Variants in ST8SIA1 observed in about 807,000 individuals in gnomAD.
ST8SIA1 encodes ST8 alpha-N-acetyl-neuraminide alpha-2,8-sialyltransferase 1.
ST8SIA1 carries 16 observed loss-of-function variants against 35.9 expected under a neutral mutation model. The ratio of observed to expected loss-of-function variants is 0.45; its 90% CI spans 0.30 to 0.68. The LOEUF is 0.68. Ranked by LOEUF, ST8SIA1 falls within the 30% of genes least tolerant of loss-of-function variation. ST8SIA1 has a pLI of 0.09. For missense variants in ST8SIA1, 383 were observed against 453.6 expected, an observed-to-expected ratio of 0.84 and a Z score of 1.41; for synonymous variants, 170 against 169.6, an observed-to-expected ratio of 1.00 and a Z score of -0.02.
At chr12:22,310,149 G>A (rs947163093) in intron 1 of ST8SIA1, among the ~76,000 whole-genome samples, 3 of 152,110 alleles carry the variant, frequency 2.0e-5, no homozygotes, top group African/African-American at 7.2e-5. Context: ...AAAATTAGCT[G>A]ATTACAAATG....
At chr12:22,287,800 G>T in intron 1 of ST8SIA1, among the ~76,000 whole-genome samples, 1 of 152,264 alleles carries the variant, frequency 6.6e-6, no homozygotes, top group South Asian at 2.1e-4. Flanking sequence ...CCCCAAAACT[G>T]GTGACAAGAT....
intron 2 of ST8SIA1, chr12:22,268,457 T>C (rs529095388): frequency 1.3e-5 from 2 of 152,204 alleles, no homozygotes; most frequent in Non-Finnish European, 2.9e-5. Flanking sequence ...ACACTACTAA[T>C]AAAGACATAC....
chr12:22,242,047 A>G (rs1336582785), intron 4 of ST8SIA1, among the ~76,000 whole-genome samples: 2 of 152,208 alleles, frequency 1.3e-5, no homozygotes, highest in East Asian at 3.8e-4. Flanking sequence ...CCCAAATATT[A>G]TAATGATTCA....
At chr12:22,310,232 C>G (rs979122269) in intron 1 of ST8SIA1, among the ~76,000 whole-genome samples, 1 of 152,170 alleles carries the variant, frequency 6.6e-6, no homozygotes, top group Non-Finnish European at 1.5e-5. Context: ...TATTCTGACT[C>G]TATGAATATG....
chr12:22,242,822 G>A (rs1426871113), intron 4 of ST8SIA1, among the ~76,000 whole-genome samples: 1 of 152,140 alleles, frequency 6.6e-6, no homozygotes, highest in African/African-American at 2.4e-5. Context: ...ATATCCAGCT[G>A]CCAGATTAAA....
At chr12:22,270,840 A>T (rs2135806043) in intron 2 of ST8SIA1, among the ~76,000 whole-genome samples, 1 of 152,378 alleles carries the variant, frequency 6.6e-6, no homozygotes, top group Non-Finnish European at 1.5e-5. Context: ...AGAAAATTGA[A>T]ATTTTAAAAG....
rs946019362 is a variant in ST8SIA1 at position 22,239,436 on chromosome 12, TC to T, written c.584+9569del. 3.9e-5 allele frequency among the ~76,000 whole-genome samples: 6 copies of T among 152,290 alleles called. No individual in the cohort carries two copies. The South Asian group carries it at 8.3e-4, about 21-fold the overall frequency. ...TGTATTCCAGTTCACAAATTCTCTC[TC>T]CAGTTATGTCTAATTTGATGTCTTT... On this transcript the variant is annotated intron_variant, in intron 4 of 4. Coordinates refer to ENST00000396037, the MANE Select transcript of ST8SIA1 (RefSeq NM_003034.4).
intron 1 of ST8SIA1, among the ~76,000 whole-genome samples, chr12:22,290,045 A>G (rs1409871366): frequency 1.3e-5 from 2 of 152,170 alleles, no homozygotes; most frequent in Non-Finnish European, 2.9e-5. Flanking sequence ...GGGCACTCAT[A>G]CCTTTAGTGG....
intron 4 of ST8SIA1, among the ~76,000 whole-genome samples, chr12:22,248,413 G>A (rs754593053): frequency 7.3e-5 from 9 of 123,646 alleles, no homozygotes; most frequent in East Asian, 4.5e-4. Flanking sequence ...CCCCACCCCC[G>A]CAGCTCCCAC....
At chr12:22,281,242 C>T (rs1204041309) in intron 2 of ST8SIA1, among the ~76,000 whole-genome samples, 1 of 152,152 alleles carries the variant, frequency 6.6e-6, no homozygotes, top group Non-Finnish European at 1.5e-5. Context: ...CTTTGTTACT[C>T]ATAATAATGA....
At position 22,200,493 on chromosome 12, in the gene ST8SIA1, T is replaced by C. The variant is rs1865037809; in HGVS notation, c.*1059A>G. On this transcript the variant is annotated 3_prime_UTR_variant, in exon 5 of 5. Coordinates refer to ENST00000396037, the MANE Select transcript of ST8SIA1 (RefSeq NM_003034.4). ...TAGTAAAAATGTATTCTTTTTTAGG[T>C]AACTACTAAATAACAATAGCTCAAA... The C allele has an allele frequency of 6.6e-6, 1 of 152,146 alleles. No homozygotes were observed. Among genetic ancestry groups the C allele is most frequent in the Non-Finnish European group, 1.5e-5 (1 of 68,028 alleles). 9.4% of individuals were successfully genotyped at this position (152,146 alleles called of 1,614,324 possible). A position where few individuals can be genotyped will look rare whatever the true frequency, so the allele number is the denominator to read the frequency against.
intron 4 of ST8SIA1, among the ~76,000 whole-genome samples, chr12:22,242,662 A>T (rs1865554112): frequency 6.6e-6 from 1 of 152,240 alleles, no homozygotes. Context: ...AAATTCATAC[A>T]AATAAAATAA....
chr12:22,284,873 A>G (rs1315728401), intron 2 of ST8SIA1, among the ~76,000 whole-genome samples: 1 of 152,198 alleles, frequency 6.6e-6, no homozygotes, highest in Non-Finnish European at 1.5e-5. Context: ...CATCCTTTTA[A>G]ATCTATTTTC....
chr12:22,308,100 A>C (rs957933232), intron 1 of ST8SIA1, among the ~76,000 whole-genome samples: 8 of 152,174 alleles, frequency 5.3e-5, no homozygotes, highest in African/African-American at 1.9e-4. Context: ...TTACCAAGTA[A>C]ATTTTTGATG....
chr12:22,212,952 C>A (rs1427515928), intron 4 of ST8SIA1, among the ~76,000 whole-genome samples: 1 of 152,154 alleles, frequency 6.6e-6, no homozygotes, highest in Non-Finnish European at 1.5e-5. Context: ...CCTGTATATT[C>A]ATCACTATTG....
At chr12:22,324,913 T>C (rs1380676990) in intron 1 of ST8SIA1, 1 of 152,098 alleles carries the variant, frequency 6.6e-6, no homozygotes, top group Non-Finnish European at 1.5e-5. Context: ...CACAAGTTTA[T>C]AAATTAAAAG....
At chr12:22,320,225 A>G (rs755937846) in intron 1 of ST8SIA1, among the ~76,000 whole-genome samples, 5 of 152,234 alleles carry the variant, frequency 3.3e-5, no homozygotes, top group Non-Finnish European at 5.9e-5. Context: ...ACTAAGCTTC[A>G]TGAAGGTTCA....
intron 4 of ST8SIA1, chr12:22,223,487 G>A: frequency 3.0e-6 from 3 of 994,678 alleles, no homozygotes; most frequent in Non-Finnish European, 3.6e-6. Context: ...GATTCCAGCT[G>A]TGATGCTGGC....
chr12:22,227,530 C>A (rs1349840918), intron 4 of ST8SIA1, among the ~76,000 whole-genome samples: 2 of 152,004 alleles, frequency 1.3e-5, no homozygotes, highest in Non-Finnish European at 2.9e-5. Flanking sequence ...CGAGATCGTG[C>A]CATTGCACTC....
Sources: allele counts gnomAD v4.1 joint callset (sites outside exome capture counted in the v4.1 genomes callset), GRCh38; gene constraint gnomAD v4.1.1; transcripts MANE v1.5; gene names NCBI Gene and HGNC (gene_info 2026-07-23, HGNC 2026-07-21).